Variants in TMPRSS15 observed in about 807,000 individuals in gnomAD.
TMPRSS15 encodes the protein transmembrane serine protease 15, also known as enteropeptidase.
In TMPRSS15, 128 loss-of-function variants were observed where a neutral mutation model predicts 125.3. The ratio of observed to expected loss-of-function variants is 1.02; its 90% confidence interval spans 0.89 to 1.18. TMPRSS15 has a LOEUF of 1.18. Among genes scored for constraint, TMPRSS15 ranks in the 50% most tolerant of loss-of-function variants. The pLI, the probability that TMPRSS15 is intolerant of heterozygous loss-of-function variation, is 0.00. For missense variants in TMPRSS15, 1,283 were observed against 1,212.7 expected, an observed-to-expected ratio of 1.06 and a Z score of -0.86; for synonymous variants, 446 against 423.2, an observed-to-expected ratio of 1.05 and a Z score of -0.66.
rs533765337 is a variant in TMPRSS15 at position 18,338,957 on chromosome 21, G to A, written c.1564+2456C>T. ...GCATCCATTTTATGAGTATCATTCCGTCTTTTATCTGCACGCTTCCTTAAA... is the reference window on the plus strand; with the variant it reads ...GCATCCATTTTATGAGTATCATTCCATCTTTTATCTGCACGCTTCCTTAAA... On this transcript the variant is annotated intron_variant, in intron 13 of 24. Coordinates refer to ENST00000284885, the MANE Select transcript of TMPRSS15 (RefSeq NM_002772.3). 9.9e-5 allele frequency among the ~76,000 whole-genome samples: 15 copies of A among 151,294 alleles called. No individual in the cohort carries two copies. The East Asian group carries it at 1.2e-3, about 12-fold the overall frequency.
chr21:18,321,865 T>A (rs1396762998), intron 16 of TMPRSS15, among the ~76,000 whole-genome samples: 1 of 152,126 alleles, frequency 6.6e-6, no homozygotes, highest in Admixed American at 6.5e-5. Context: ...CATTACTCAC[T>A]TCCCAGCAGC....
intron 1 of TMPRSS15, among the ~76,000 whole-genome samples, chr21:18,450,357 A>G (rs2076265293): frequency 6.6e-6 from 1 of 152,088 alleles, no homozygotes; most frequent in African/African-American, 2.4e-5. Context: ...GAAAGGATCA[A>G]CGGCTCCTCC....
chr21:18,467,178 A>G (rs958560974), intron 1 of TMPRSS15, among the ~76,000 whole-genome samples: 1 of 152,170 alleles, frequency 6.6e-6, no homozygotes, highest in Non-Finnish European at 1.5e-5. Context: ...CAAACACTGC[A>G]TGTTCTCACT....
chr21:18,444,651 G>T (rs2076250967), intron 1 of TMPRSS15, among the ~76,000 whole-genome samples: 1 of 152,012 alleles, frequency 6.6e-6, no homozygotes, highest in African/African-American at 2.4e-5. Flanking sequence ...AAAAAATCAG[G>T]ATAGTGAGCA....
At chr21:18,270,272 ACTCT>A in intron 24 of TMPRSS15, 148 bp from the exon 25 acceptor site, 1 of 627,868 alleles carries the variant, frequency 1.6e-6, no homozygotes, top group Non-Finnish European at 2.5e-6. Context: ...TCTCACTTTC[ACTCT>A]AAGTCAGGAA....
intron 1 of TMPRSS15, among the ~76,000 whole-genome samples, chr21:18,423,509 G>C (rs574272491): frequency 3.6e-4 from 54 of 151,090 alleles, no homozygotes; most frequent in Non-Finnish European, 5.5e-4. Context: ...CCCGGGTTCA[G>C]GCCATTCTCC....
intron 6 of TMPRSS15, among the ~76,000 whole-genome samples, chr21:18,366,254 GAA>G (rs981019221): frequency 6.6e-6 from 1 of 152,120 alleles, no homozygotes; most frequent in Non-Finnish European, 1.5e-5. Flanking sequence ...ATAAGGCCAG[GAA>G]AATGTTAGTA....
At chr21:18,472,077 C>T (rs1319516137) in intron 1 of TMPRSS15, among the ~76,000 whole-genome samples, 1 of 151,982 alleles carries the variant, frequency 6.6e-6, no homozygotes, top group East Asian at 1.9e-4. Context: ...TCAGAAGTTG[C>T]TTTAGAAGAA....
chr21:18,479,036 C>T (rs933579188), intron 1 of TMPRSS15, among the ~76,000 whole-genome samples: 2 of 151,852 alleles, frequency 1.3e-5, no homozygotes, highest in Non-Finnish European at 2.9e-5. Context: ...GGTTGAGCAT[C>T]CCACATCTGA....
intron 10 of TMPRSS15, among the ~76,000 whole-genome samples, chr21:18,347,885 A>G (rs2075525819): frequency 1.3e-5 from 2 of 152,146 alleles, no homozygotes. Context: ...AATCCCAGCA[A>G]TTTGGGAGTC....
chr21:18,335,541 C>T (rs530778222), intron 13 of TMPRSS15, among the ~76,000 whole-genome samples: 2 of 152,218 alleles, frequency 1.3e-5, no homozygotes, highest in African/African-American at 4.8e-5. Context: ...CTTAGGATTT[C>T]GCCACTAAAC....
intron 5 of TMPRSS15, among the ~76,000 whole-genome samples, chr21:18,375,253 T>C (rs559327922): frequency 6.6e-6 from 1 of 152,188 alleles, no homozygotes; most frequent in Non-Finnish European, 1.5e-5. Flanking sequence ...CTTCTCTCAC[T>C]CTTTCATTTC....
intron 16 of TMPRSS15, among the ~76,000 whole-genome samples, chr21:18,326,046 C>G (rs2075286119): frequency 6.6e-6 from 1 of 151,956 alleles, no homozygotes; most frequent in Admixed American, 6.6e-5. Context: ...GTTGGCATGC[C>G]AACAGCTCTC....
intron 13 of TMPRSS15, among the ~76,000 whole-genome samples, chr21:18,335,822 G>T (rs1336694675): frequency 6.6e-6 from 1 of 152,126 alleles, no homozygotes; most frequent in Non-Finnish European, 1.5e-5. Context: ...TTCATGAAAT[G>T]TAATTCCAAA....
chr21:18,421,110 C>A (rs894529575), intron 1 of TMPRSS15, among the ~76,000 whole-genome samples: 8 of 152,152 alleles, frequency 5.3e-5, no homozygotes, highest in African/African-American at 1.9e-4. Context: ...TATCACTAAA[C>A]ACTATACCAC....
At chr21:18,445,529 T>C (rs1196554014) in intron 1 of TMPRSS15, among the ~76,000 whole-genome samples, 3 of 152,150 alleles carry the variant, frequency 2.0e-5, no homozygotes, top group Non-Finnish European at 4.4e-5. Context: ...ATGCTTAGAT[T>C]GATTCCATAT....
At chr21:18,354,359 T>C (rs1269561995) in intron 8 of TMPRSS15, among the ~76,000 whole-genome samples, 1 of 151,842 alleles carries the variant, frequency 6.6e-6, no homozygotes, top group Non-Finnish European at 1.5e-5. Context: ...CTTAAGATTG[T>C]TTCTACAGCA....
At chr21:18,316,521 C>T (rs1473459567) in intron 16 of TMPRSS15, among the ~76,000 whole-genome samples, 2 of 152,122 alleles carry the variant, frequency 1.3e-5, no homozygotes, top group African/African-American at 4.8e-5. Flanking sequence ...GGAAACTTTG[C>T]CGTATCGGTA....
intron 5 of TMPRSS15, among the ~76,000 whole-genome samples, chr21:18,376,062 G>T (rs2075838424): frequency 6.6e-6 from 1 of 152,112 alleles, no homozygotes; most frequent in Admixed American, 6.5e-5. Flanking sequence ...TCAAGATCCT[G>T]ATAGCTTACT....
Sources: gnomAD v4.1 joint callset for allele counts (sites outside exome capture counted in the v4.1 genomes callset) on GRCh38, gnomAD v4.1.1 for gene constraint, MANE v1.5 for transcripts, NCBI Gene and HGNC (gene_info 2026-07-23, HGNC 2026-07-21) for gene names.